The following RFX3 variants were observed in gnomAD, a reference collection of about 807,000 sequenced individuals.
RFX3 encodes transcription factor RFX3.
RFX3 carries 14 observed loss-of-function variants against 98.6 expected under a neutral mutation model. The observed-to-expected ratio is 0.14, with a 90% CI of 0.09 to 0.22. The LOEUF is 0.22. RFX3 is among the 10% of genes least tolerant of loss of function. The pLI is 1.00. For synonymous variants in RFX3, 383 were observed against 328.4 expected, an observed-to-expected ratio of 1.17 and a Z score of -1.80; for missense variants, 639 against 926.9, an observed-to-expected ratio of 0.69 and a Z score of 4.03.
Position 3,270,424 on chromosome 9 carries a change from A to G in RFX3, c.1304T>C (p.Met435Thr), listed in dbSNP as rs778128234. 1 of 1,613,862 alleles carries G rather than the reference A, an allele frequency of 6.2e-7. No homozygotes were observed. The highest frequency in any genetic ancestry group is 2.2e-5 in the East Asian group (1 of 44,834). Reference protein sequence around the residue: ...LKWMCNCDHGMYQALVEILIP... With the variant: ...LKWMCNCDHGTYQALVEILIP... Reference sequence around the variant, plus strand: ...GAGAATCTCCACCAAAGCCTGGTACATCCCATGGTCACAGTTACACATCCA... The same window carrying G: ...GAGAATCTCCACCAAAGCCTGGTACGTCCCATGGTCACAGTTACACATCCA... Residue 435 changes from methionine (M) to threonine (T), a missense_variant, in exon 11 of 17, where the codon ATG (methionine) becomes ACG (threonine). Met to Thr is a moderately conservative substitution (Grantham distance 81). Transcript: ENST00000617270.
At chr9:3,377,891 T>C (rs966639153) in intron 2 of RFX3, among the ~76,000 whole-genome samples, 1 of 152,228 alleles carries the variant, frequency 6.6e-6, no homozygotes, top group African/African-American at 2.4e-5. Flanking sequence ...AGTTCGGTAG[T>C]TTCTGAATTT....
chr9:3,232,020 C>T (rs573592897), intron 15 of RFX3, among the ~76,000 whole-genome samples: 3 of 149,528 alleles, frequency 2.0e-5, no homozygotes, highest in South Asian at 2.2e-4. Flanking sequence ...GCAACAGGAG[C>T]GAAACTCTGT....
intron 1 of RFX3, among the ~76,000 whole-genome samples, chr9:3,411,941 T>C (rs141712757): frequency 9.1e-4 from 138 of 152,288 alleles, no homozygotes; most frequent in African/African-American, 3.2e-3. Flanking sequence ...TTTTCTTCTT[T>C]GAAATTATTT....
intron 1 of RFX3, among the ~76,000 whole-genome samples, chr9:3,478,957 C>G (rs1394856599): frequency 6.6e-6 from 1 of 152,172 alleles, no homozygotes; most frequent in Non-Finnish European, 1.5e-5. Flanking sequence ...TATCCAGCCA[C>G]TCTCTCTGAA....
At chr9:3,408,989 A>C (rs1842232696) in intron 1 of RFX3, among the ~76,000 whole-genome samples, 1 of 152,214 alleles carries the variant, frequency 6.6e-6, no homozygotes, top group African/African-American at 2.4e-5. Context: ...GTTAACAGCT[A>C]CTTGTACTGA....
chr9:3,321,520 G>T (rs890506514), intron 4 of RFX3, among the ~76,000 whole-genome samples: 1 of 152,076 alleles, frequency 6.6e-6, no homozygotes, highest in African/African-American at 2.4e-5. Context: ...CTTTTCATTG[G>T]ACTGCCTGTT....
chr9:3,413,981 A>C (rs1165052971), intron 1 of RFX3, among the ~76,000 whole-genome samples: 1 of 152,106 alleles, frequency 6.6e-6, no homozygotes, highest in Non-Finnish European at 1.5e-5. Context: ...CCTCTGTTAC[A>C]TCCAATTAAA....
At chr9:3,261,286 T>C (rs1187829507) in intron 13 of RFX3, among the ~76,000 whole-genome samples, 1 of 152,074 alleles carries the variant, frequency 6.6e-6, no homozygotes, top group Non-Finnish European at 1.5e-5. Flanking sequence ...ATGACTCTTA[T>C]TTGTTACCTC....
intron 2 of RFX3, among the ~76,000 whole-genome samples, chr9:3,384,902 T>A (rs1357283231): frequency 6.6e-6 from 1 of 152,116 alleles, no homozygotes; most frequent in African/African-American, 2.4e-5. Flanking sequence ...GAATAAACAC[T>A]TCCTTTTATT....
intron 1 of RFX3, among the ~76,000 whole-genome samples, chr9:3,475,903 C>A (rs2133286194): frequency 6.6e-6 from 1 of 152,276 alleles, no homozygotes; most frequent in Admixed American, 6.5e-5. Context: ...TTTCCCTTCG[C>A]ACTGACGCTA....
intron 1 of RFX3, among the ~76,000 whole-genome samples, chr9:3,502,904 G>A (rs1816194852): frequency 6.6e-6 from 1 of 152,142 alleles, no homozygotes; most frequent in Middle Eastern, 3.2e-3. Context: ...AACTTTAAAG[G>A]AGAGTGATGG....
At position 3,378,749 on chromosome 9, in the gene RFX3, T is replaced by C. The variant is rs1838841089; in HGVS notation, c.117+16723A>G. ...TTTTGTGTTTTGAGTAGAGATGGGGTTTCATCATGTTGGCCAGGCTGGTTT... is the reference window on the plus strand; with the variant it reads ...TTTTGTGTTTTGAGTAGAGATGGGGCTTCATCATGTTGGCCAGGCTGGTTT... On this transcript the variant is annotated intron_variant, in intron 2 of 16. Coordinates refer to ENST00000617270, the MANE Select transcript of RFX3 (RefSeq NM_001282116.2). 2.6e-5 allele frequency among the ~76,000 whole-genome samples: 4 copies of C among 151,654 alleles called. No homozygotes were observed. In the South Asian group the frequency reaches 8.4e-4, roughly 32 times the overall value.
chr9:3,301,817 G>A (rs1254295064), intron 4 of RFX3, among the ~76,000 whole-genome samples, 197 bp from the exon 5 acceptor site: 1 of 151,670 alleles, frequency 6.6e-6, no homozygotes, highest in African/African-American at 2.4e-5. Flanking sequence ...CTAATAATAA[G>A]CCCATTCACA....
chr9:3,311,427 G>A (rs73381846), intron 4 of RFX3, among the ~76,000 whole-genome samples: 5,897 of 152,298 alleles, frequency 0.039, 351 homozygotes, highest in African/African-American at 0.13. Flanking sequence ...GCCTCCTGGT[G>A]TGTGTGAAGA....
At chr9:3,370,811 T>C (rs1350526283) in intron 2 of RFX3, among the ~76,000 whole-genome samples, 3 of 152,160 alleles carry the variant, frequency 2.0e-5, no homozygotes, top group Admixed American at 6.5e-5. Context: ...TACTTTACAA[T>C]GTCCAGATAA....
Position 3,366,693 on chromosome 9 carries a change from CCTTTCTTTCTTTCTTTCTTTCTTTCTTT to C in RFX3, c.118-19957_118-19930del, listed in dbSNP as rs1202997871. Among the ~76,000 whole-genome samples the C allele has an allele frequency of 2.5e-4, 21 of 85,490 alleles. No homozygotes were observed. The South Asian group carries it at 2.5e-3, about 10-fold the overall frequency. 56.1% of individuals were successfully genotyped at this position (85,490 alleles called of 152,430 possible). A position where few individuals can be genotyped will look rare whatever the true frequency, so the allele number is the denominator to read the frequency against. Reference sequence around the variant, plus strand: ...CTTTCTCTTTCTTTCTTCTTTCTTTCCTTTCTTTCTTTCTTTCTTTCTTTCTTTCTTTCTTTCTTTCTTTCTTTCTTTC... The same window carrying C: ...CTTTCTCTTTCTTTCTTCTTTCTTTCCTTTCTTTCTTTCTTTCTTTCTTTC... On this transcript the variant is annotated intron_variant, in intron 2 of 16. Transcript: ENST00000617270.
At chr9:3,472,667 C>T (rs1237592191) in intron 1 of RFX3, among the ~76,000 whole-genome samples, 1 of 152,126 alleles carries the variant, frequency 6.6e-6, no homozygotes, top group African/African-American at 2.4e-5. Flanking sequence ...AAGCAACATT[C>T]ATTTCTTTGT....
At chr9:3,344,487 T>G (rs1169410922) in intron 3 of RFX3, among the ~76,000 whole-genome samples, 4 of 152,162 alleles carry the variant, frequency 2.6e-5, no homozygotes, top group Non-Finnish European at 5.9e-5. Context: ...TCGGCTCAAC[T>G]GGTACTTCAT....
chr9:3,349,653 T>C (rs879741977), intron 2 of RFX3, among the ~76,000 whole-genome samples: 1 of 152,118 alleles, frequency 6.6e-6, no homozygotes, highest in Non-Finnish European at 1.5e-5. Context: ...TTTTTCTCTA[T>C]ATCTTTTTAG....
Sources: gnomAD v4.1 joint callset for allele counts (sites outside exome capture counted in the v4.1 genomes callset) on GRCh38, gnomAD v4.1.1 for gene constraint, MANE v1.5 for transcripts, NCBI Gene and HGNC (gene_info 2026-07-23, HGNC 2026-07-21) for gene names.